CRADD: variants seen among roughly 807,000 people sequenced by gnomAD.
The protein encoded by CRADD is death domain-containing protein CRADD.
Under a neutral mutation model 15.5 loss-of-function variants are expected in CRADD, and 9 were observed. The observed-to-expected ratio is 0.58, with a 90% CI of 0.35 to 1.01. The LOEUF (loss-of-function observed/expected upper bound fraction) is 1.01, where lower values mean the gene tolerates loss of function less well. Ranked by LOEUF, CRADD falls within the 50% of genes least tolerant of loss-of-function variation. CRADD has a pLI of 0.02. For missense variants in CRADD, 227 were observed against 250.3 expected (o/e 0.91, Z 0.63); for synonymous variants, 118 against 107.6 (o/e 1.10, Z -0.60).
chr12:93,793,028 G>A (rs946638490), intron 2 of CRADD, among the ~76,000 whole-genome samples: 1 of 152,082 alleles, frequency 6.6e-6, no homozygotes, highest in Non-Finnish European at 1.5e-5. Flanking sequence ...AGTCACATAT[G>A]TATCATTATA....
intron 2 of CRADD, among the ~76,000 whole-genome samples, chr12:93,808,792 G>A (rs1957580550): frequency 6.6e-6 from 1 of 152,122 alleles, no homozygotes; most frequent in African/African-American, 2.4e-5. Context: ...AAGATCCCCT[G>A]CCTTCCTCAG....
At chr12:93,866,403 G>A (rs1378175978) in intron 2 of CRADD, among the ~76,000 whole-genome samples, 1 of 152,050 alleles carries the variant, frequency 6.6e-6, no homozygotes, top group Non-Finnish European at 1.5e-5. Context: ...ATAACATAAT[G>A]TTTTTAATTG....
At chr12:93,703,978 CTTTTT>C (rs71071759) in intron 2 of CRADD, among the ~76,000 whole-genome samples, 2 of 90,270 alleles carry the variant, frequency 2.2e-5, no homozygotes, top group Non-Finnish European at 4.3e-5. Context: ...TGGAGCCTTT[CTTTTT>C]TTTTTTTTTT....
chr12:93,707,047 A>G (rs975567307), intron 2 of CRADD, among the ~76,000 whole-genome samples: 8 of 152,152 alleles, frequency 5.3e-5, no homozygotes, highest in South Asian at 2.1e-4. Flanking sequence ...CTGAAATTCT[A>G]TTAGTATGAT....
intron 2 of CRADD, among the ~76,000 whole-genome samples, chr12:93,808,082 A>G (rs756475702): frequency 4.7e-5 from 7 of 150,070 alleles, no homozygotes; most frequent in Admixed American, 2.7e-4. Flanking sequence ...GCCCCCATTC[A>G]GTGGGTGTCC....
At chr12:93,851,461 G>A (rs150149432), downstream of CRADD, among the ~76,000 whole-genome samples, 1,177 of 152,276 alleles carry the variant, frequency 7.7e-3, 4 homozygotes, top group Non-Finnish European at 0.013. Context: ...TTGGCAGAAT[G>A]GGGAAATGAT....
At chr12:93,864,075 G>A (rs11837570) in intron 2 of CRADD, among the ~76,000 whole-genome samples, 1 of 152,092 alleles carries the variant, frequency 6.6e-6, no homozygotes, top group Non-Finnish European at 1.5e-5. Flanking sequence ...TTTATTTACT[G>A]TTATATAGAG....
chr12:93,678,710 T>A (rs762142124), intron 1 of CRADD, 59 bp from the exon 2 acceptor site: 24 of 1,546,408 alleles, frequency 1.6e-5, no homozygotes, highest in Non-Finnish European at 1.9e-5. Flanking sequence ...GCAGTGACAC[T>A]GTCTTTAGGG....
chr12:93,862,344 T>C (rs986201301), intron 2 of CRADD, among the ~76,000 whole-genome samples: 1 of 152,176 alleles, frequency 6.6e-6, no homozygotes, highest in Non-Finnish European at 1.5e-5. Context: ...CAAGGCAACA[T>C]TGAAGTAATC....
intron 2 of CRADD, among the ~76,000 whole-genome samples, chr12:93,696,901 T>C (rs1955720882): frequency 6.6e-6 from 1 of 152,204 alleles, no homozygotes; most frequent in African/African-American, 2.4e-5. Context: ...GTATGCAGGT[T>C]ATATGGAAAT....
chr12:93,798,305 A>G (rs1957442535), intron 2 of CRADD, among the ~76,000 whole-genome samples: 1 of 152,150 alleles, frequency 6.6e-6, no homozygotes, highest in Non-Finnish European at 1.5e-5. Flanking sequence ...TGCCCTAGAT[A>G]TAGTAGAAGC....
chr12:93,731,249 G>A (rs188211127), intron 2 of CRADD, among the ~76,000 whole-genome samples: 180 of 152,096 alleles, frequency 1.2e-3, no homozygotes, highest in African/African-American at 4.2e-3. Context: ...TCTATACATA[G>A]ACTCCAGTTG....
chr12:93,799,515 A>T lies in CRADD; in HGVS notation c.299-50455A>T, dbSNP rs75798775. ...TCAGATTACAACCTTCAATAAAAAGATCATAGCATGTAACTGTAAGCATGA... is the reference window on the plus strand; with the variant it reads ...TCAGATTACAACCTTCAATAAAAAGTTCATAGCATGTAACTGTAAGCATGA... On this transcript the variant is annotated intron_variant, in intron 2 of 2. Coordinates refer to ENST00000332896, the MANE Select transcript of CRADD (RefSeq NM_003805.5). Among the ~76,000 whole-genome samples, 1,333 of 152,324 alleles carry T rather than the reference A, an allele frequency of 8.8e-3. 18 individuals carry two copies. The highest frequency in any genetic ancestry group is 0.03 in the African/African-American group (1,236 of 41,572).
intron 2 of CRADD, among the ~76,000 whole-genome samples, chr12:93,864,597 G>A (rs934021317): frequency 2.6e-5 from 4 of 152,190 alleles, no homozygotes; most frequent in Admixed American, 2.0e-4. Flanking sequence ...AAAAGTGAGG[G>A]TCACTTGGCA....
chr12:93,818,320 A>T (rs1392545595), intron 2 of CRADD, among the ~76,000 whole-genome samples: 3 of 151,628 alleles, frequency 2.0e-5, no homozygotes. Flanking sequence ...GATGGGATAC[A>T]AAAAGGTACC....
At chr12:93,787,507 AC>A (rs535573190) in intron 2 of CRADD, among the ~76,000 whole-genome samples, 56 of 151,856 alleles carry the variant, frequency 3.7e-4, no homozygotes, top group African/African-American at 1.4e-3. Context: ...CTTGTACTTA[AC>A]CTCTTAGCAA....
rs985334638 is a variant in CRADD at position 93,867,403 on chromosome 12, A to ATATATATTTTTTTT, written c.299-26646_299-26645insATATATTTTTTTTT. Among the ~76,000 whole-genome samples, 191 of 143,422 alleles carry ATATATATTTTTTTT rather than the reference A, an allele frequency of 1.3e-3. 6 individuals are homozygous for ATATATATTTTTTTT. Among genetic ancestry groups the ATATATATTTTTTTT allele is most frequent in the Admixed American group, 4.8e-3 (69 of 14,244 alleles). The allele number at this position is 143,422 out of a possible 152,430, so 94.1% of individuals were successfully genotyped here. A position where few individuals can be genotyped will look rare whatever the true frequency, so the allele number is the denominator to read the frequency against. ...TTGTATTTGACATATATATATATAT[A>ATATATATTTTTTTT]TTTTTTAAACTTGGAAGTCCAAGAT... On this transcript the variant is annotated intron_variant, in intron 2 of 2. Coordinates refer to the CRADD transcript ENST00000548483.
intron 2 of CRADD, among the ~76,000 whole-genome samples, chr12:93,785,441 G>A (rs550427305): frequency 1.1e-4 from 17 of 152,264 alleles, no homozygotes; most frequent in Admixed American, 1.0e-3. Flanking sequence ...GCGTCTTCCC[G>A]ATCCCCTGGC....
intron 2 of CRADD, among the ~76,000 whole-genome samples, chr12:93,764,272 G>A (rs1957002592): frequency 6.7e-6 from 1 of 150,368 alleles, no homozygotes; most frequent in African/African-American, 2.4e-5. Flanking sequence ...AGGGAGACCT[G>A]TTTGGAGGCT....
Sources: allele counts gnomAD v4.1 joint callset (sites outside exome capture counted in the v4.1 genomes callset), GRCh38; gene constraint gnomAD v4.1.1; transcripts MANE v1.5; gene names NCBI Gene and HGNC (gene_info 2026-07-23, HGNC 2026-07-21).